PTPRD: variants seen among roughly 807,000 people sequenced by gnomAD.
PTPRD encodes the protein receptor-type tyrosine-protein phosphatase delta.
PTPRD carries 34 observed loss-of-function variants against 214.5 expected under a neutral mutation model. That is an observed-to-expected ratio of 0.16 (90% CI 0.12 to 0.21). The LOEUF (loss-of-function observed/expected upper bound fraction) is 0.21, where lower values mean the gene tolerates loss of function less well. Among genes scored for constraint, PTPRD ranks in the 10% least tolerant of loss-of-function variants. The pLI is 1.00. For missense variants in PTPRD, 2,545 were observed against 2,398.7 expected, an observed-to-expected ratio of 1.06 and a Z score of -1.27; for synonymous variants, 1,128 against 845.7, an observed-to-expected ratio of 1.33 and a Z score of -5.79.
At chr9:9,935,765 G>A (rs566044033) in intron 5 of PTPRD, among the ~76,000 whole-genome samples, 4 of 148,978 alleles carry the variant, frequency 2.7e-5, no homozygotes, top group South Asian at 4.2e-4. Context: ...AGCCCGCATT[G>A]CCAAGTCAAT....
At chr9:10,563,812 CATAT>C (rs1292226764) in intron 2 of PTPRD, among the ~76,000 whole-genome samples, 1 of 151,684 alleles carries the variant, frequency 6.6e-6, no homozygotes, top group African/African-American at 2.4e-5. Flanking sequence ...TGTATTATAT[CATAT>C]ATAGAGTGAC....
chr9:9,636,896 G>T (rs1593744380), intron 7 of PTPRD, among the ~76,000 whole-genome samples: 1 of 152,168 alleles, frequency 6.6e-6, no homozygotes, highest in Admixed American at 6.5e-5. Context: ...TCAGCATCTG[G>T]TAAGGGGGGC....
intron 2 of PTPRD, among the ~76,000 whole-genome samples, chr9:10,506,293 C>T (rs931881116): frequency 2.0e-5 from 3 of 152,048 alleles, no homozygotes; most frequent in Admixed American, 1.3e-4. Context: ...ACCTGTTCCC[C>T]AAATTCTCCA....
chr9:8,652,995 ACC>A (rs2096843183), intron 12 of PTPRD, among the ~76,000 whole-genome samples: 1 of 152,172 alleles, frequency 6.6e-6, no homozygotes, highest in Non-Finnish European at 1.5e-5. Flanking sequence ...TCTTTATATA[ACC>A]CAGTCATAGT....
At chr9:9,888,817 A>G (rs2072022441) in intron 5 of PTPRD, among the ~76,000 whole-genome samples, 2 of 152,114 alleles carry the variant, frequency 1.3e-5, no homozygotes. Context: ...TAGGGAAGAC[A>G]AAGAGTATTG....
intron 11 of PTPRD, among the ~76,000 whole-genome samples, chr9:8,761,939 A>C (rs1244981984): frequency 4.6e-5 from 7 of 152,198 alleles, no homozygotes; most frequent in African/African-American, 1.7e-4. Flanking sequence ...AAGGTCCCTA[A>C]GGCACCATTA....
At chr9:8,495,249 C>T (rs980324044) in intron 26 of PTPRD, among the ~76,000 whole-genome samples, 2 of 152,142 alleles carry the variant, frequency 1.3e-5, no homozygotes, top group African/African-American at 4.8e-5. Context: ...CCCCTCCTTA[C>T]TTCCATATTT....
intron 5 of PTPRD, among the ~76,000 whole-genome samples, chr9:9,822,048 G>T (rs1340445962): frequency 6.6e-6 from 1 of 151,454 alleles, no homozygotes; most frequent in Non-Finnish European, 1.5e-5. Context: ...TTTGCCAAAG[G>T]CATCATGTCC....
chr9:10,396,176 T>C (rs2098166754), intron 2 of PTPRD, among the ~76,000 whole-genome samples: 1 of 152,106 alleles, frequency 6.6e-6, no homozygotes, highest in East Asian at 2.0e-4. Flanking sequence ...AGATGGATCC[T>C]TTACTTACAA....
intron 3 of PTPRD, among the ~76,000 whole-genome samples, chr9:10,053,545 C>T (rs566984393): frequency 2.0e-5 from 3 of 152,098 alleles, no homozygotes; most frequent in Non-Finnish European, 4.4e-5. Context: ...CCTATACCTA[C>T]TATAGATAAT....
At position 8,323,128 on chromosome 9, in the gene PTPRD, C is replaced by T. The variant is rs1043575490; in HGVS notation, c.5535-3162G>A. 1.9e-4 allele frequency among the ~76,000 whole-genome samples: 29 copies of T among 152,196 alleles called. 1 individual carries two copies. The highest frequency in any genetic ancestry group is 5.9e-4 in the Admixed American group (9 of 15,272). ...AAGAAAGAATGGATGATAAGACATC[C>T]GTTTATAGCATGGTTGACTGAACAT... On this transcript the variant is annotated intron_variant, in intron 44 of 45. Transcript: ENST00000381196.
At chr9:9,169,835 C>T (rs2099911169) in intron 10 of PTPRD, among the ~76,000 whole-genome samples, 1 of 152,166 alleles carries the variant, frequency 6.6e-6, no homozygotes, top group South Asian at 2.1e-4. Flanking sequence ...TCAATAGCAG[C>T]AACAACAAAG....
chr9:10,062,499 G>C lies in PTPRD; in HGVS notation c.-544-28709C>G, dbSNP rs373340026. ...CAGCAGCCTGTAATCACAGCTATTT[G>C]GTAGGCTGAGGCAGGAGAATCACTT... On this transcript the variant is annotated intron_variant, in intron 3 of 45. Transcript: ENST00000381196. Among the ~76,000 whole-genome samples the C allele has an allele frequency of 7.4e-4, 113 of 152,110 alleles. 2 individuals are homozygous for C. The South Asian group carries it at 0.022, about 29-fold the overall frequency.
chr9:8,413,252 T>G (rs2093663501), intron 35 of PTPRD, among the ~76,000 whole-genome samples: 1 of 152,200 alleles, frequency 6.6e-6, no homozygotes, highest in Non-Finnish European at 1.5e-5. Context: ...ATTAAGTCTT[T>G]GTTTCTTTTT....
intron 12 of PTPRD, among the ~76,000 whole-genome samples, chr9:8,708,609 T>C (rs1219100365): frequency 7.2e-6 from 1 of 138,530 alleles, no homozygotes; most frequent in Non-Finnish European, 1.5e-5. Context: ...AACTTGGGAG[T>C]CGGAAGTTGC....
rs558408840 is a variant in PTPRD, at chr9:8,883,505, T to C, written c.-104+135192A>G. Among the ~76,000 whole-genome samples, 5 of 152,260 alleles carry C rather than the reference T, an allele frequency of 3.3e-5. No individual in the cohort carries two copies. The South Asian group carries it at 8.3e-4, about 25-fold the overall frequency. ...ATTGAACAAAGGGCACAGATGACAATTTCTTCCAAACACACACCTGCTGGG... is the reference window on the plus strand; with the variant it reads ...ATTGAACAAAGGGCACAGATGACAACTTCTTCCAAACACACACCTGCTGGG... On this transcript the variant is annotated intron_variant, in intron 11 of 45. Transcript: ENST00000381196.
chr9:10,574,767 G>A (rs1266494274), intron 2 of PTPRD, among the ~76,000 whole-genome samples: 1 of 145,194 alleles, frequency 6.9e-6, no homozygotes, highest in Non-Finnish European at 1.5e-5. Context: ...AAATATATAT[G>A]TGTGTGTGTA....
At chr9:10,363,053 G>C (rs972451100) in intron 2 of PTPRD, among the ~76,000 whole-genome samples, 1 of 152,160 alleles carries the variant, frequency 6.6e-6, no homozygotes, top group African/African-American at 2.4e-5. Flanking sequence ...CAGCTGGAAA[G>C]TGAGGTTCTT....
chr9:9,934,291 G>A (rs1029016639), intron 5 of PTPRD, among the ~76,000 whole-genome samples: 5 of 150,970 alleles, frequency 3.3e-5, no homozygotes, highest in African/African-American at 1.2e-4. Flanking sequence ...GAATCCAGGA[G>A]CTGGTTTTTT....
Sources: gnomAD v4.1 joint callset for allele counts (sites outside exome capture counted in the v4.1 genomes callset) on GRCh38, gnomAD v4.1.1 for gene constraint, MANE v1.5 for transcripts, NCBI Gene and HGNC (gene_info 2026-07-23, HGNC 2026-07-21) for gene names.